IQCM: variants seen among roughly 807,000 people sequenced by gnomAD.
IQCM encodes the protein IQ domain-containing protein M.
IQCM carries 45 observed loss-of-function variants against 57.6 expected under a neutral mutation model. The observed-to-expected ratio is 0.78, with a 90% CI of 0.62 to 1.00. The LOEUF (loss-of-function observed/expected upper bound fraction) is 1.00, where lower values mean the gene tolerates loss of function less well. IQCM is among the 50% of genes least tolerant of loss of function. The pLI, the probability that IQCM is intolerant of heterozygous loss-of-function variation, is 0.00. For missense variants in IQCM, 468 were observed against 511.6 expected (o/e 0.91, Z 0.82); for synonymous variants, 148 against 158.9 (o/e 0.93, Z 0.51).
chr4:149,548,440 T>C lies in IQCM; in HGVS notation c.1228+15A>G. On this transcript the variant is annotated intron_variant, in intron 12 of 13. Coordinates refer to ENST00000636793, the MANE Select transcript of IQCM (RefSeq NM_001363507.2). ...AGGAAAAGAAGGGGGGAAAAAGAAA[T>C]GAGAAACTACTCACCTTGATGGACC... 1.6e-6 allele frequency: 2 copies of C among 1,231,198 alleles called. No homozygotes were observed. The highest frequency in any genetic ancestry group is 2.0e-6 in the Non-Finnish European group (2 of 987,242). 76.3% of individuals were successfully genotyped at this position (1,231,198 alleles called of 1,614,324 possible).
intron 12 of IQCM, among the ~76,000 whole-genome samples, chr4:149,462,666 A>T (rs1738430370): frequency 6.6e-6 from 1 of 152,198 alleles, no homozygotes; most frequent in Non-Finnish European, 1.5e-5. Context: ...CCCATTAGTT[A>T]TCATGGAAAT....
At chr4:149,740,244 T>C (rs937794209) in intron 3 of IQCM, among the ~76,000 whole-genome samples, 2 of 152,110 alleles carry the variant, frequency 1.3e-5, no homozygotes, top group Admixed American at 6.6e-5. Flanking sequence ...GTAATCAGAG[T>C]AAATGCCTGA....
chr4:149,504,271 A>G (rs1446218203), intron 12 of IQCM, among the ~76,000 whole-genome samples: 3 of 152,244 alleles, frequency 2.0e-5, no homozygotes, highest in African/African-American at 4.8e-5. Context: ...TTACTCTTAA[A>G]TAGTTAAACA....
intron 12 of IQCM, among the ~76,000 whole-genome samples, chr4:149,481,696 G>GTTTTGTTTTTTTGTTTTTTT (rs1740800924): frequency 6.0e-5 from 2 of 33,600 alleles, no homozygotes; most frequent in African/African-American, 2.5e-4. Flanking sequence ...GATTCTTCCA[G>GTTTTGTTTTTTTGTTTTTTT]TTTTGTTTTT....
chr4:149,521,275 C>A (rs6820239), intron 12 of IQCM, among the ~76,000 whole-genome samples: 76,357 of 151,124 alleles, frequency 0.51, 19,526 homozygotes, highest in Non-Finnish European at 0.55. Flanking sequence ...AGAACAAAAA[C>A]AAGGAAAGAA....
At chr4:149,386,946 T>C (rs1731471325) in intron 13 of IQCM, among the ~76,000 whole-genome samples, 1 of 152,090 alleles carries the variant, frequency 6.6e-6, no homozygotes, top group Non-Finnish European at 1.5e-5. Flanking sequence ...TAAGTGATGC[T>C]GTATATTTCA....
intron 7 of IQCM, among the ~76,000 whole-genome samples, chr4:149,630,952 C>T (rs1380735334): frequency 6.6e-6 from 1 of 152,084 alleles, no homozygotes; most frequent in Non-Finnish European, 1.5e-5. Flanking sequence ...GTAAACAATT[C>T]CTGATATAAA....
chr4:149,367,509 T>C (rs1241259620), intron 13 of IQCM, among the ~76,000 whole-genome samples: 2 of 152,050 alleles, frequency 1.3e-5, no homozygotes, highest in African/African-American at 4.8e-5. Context: ...GTATCTCTAA[T>C]TCATTAAGTA....
intron 2 of IQCM, 85 bp from the exon 3 acceptor site, chr4:149,742,824 G>T: frequency 1.8e-6 from 1 of 567,430 alleles, no homozygotes; most frequent in Non-Finnish European, 2.6e-6. Flanking sequence ...GGTAAATAGG[G>T]TGAATGATTA....
chr4:149,654,927 G>T (rs1295142219), intron 7 of IQCM, among the ~76,000 whole-genome samples: 1 of 151,600 alleles, frequency 6.6e-6, no homozygotes, highest in Non-Finnish European at 1.5e-5. Context: ...AATTAATTTT[G>T]GATATGAGGT....
chr4:149,550,910 A>G (rs1748966691), intron 11 of IQCM, among the ~76,000 whole-genome samples: 2 of 152,178 alleles, frequency 1.3e-5, no homozygotes, highest in South Asian at 2.1e-4. Context: ...TTCAGCTCCT[A>G]TGTTGGACAG....
intron 2 of IQCM, among the ~76,000 whole-genome samples, chr4:149,755,322 G>C (rs1046324327): frequency 3.9e-5 from 6 of 152,006 alleles, no homozygotes; most frequent in African/African-American, 1.2e-4. Context: ...AAATATAGAA[G>C]TCACCATGTC....
At chr4:149,665,274 A>G (rs1760613172) in intron 7 of IQCM, among the ~76,000 whole-genome samples, 2 of 152,106 alleles carry the variant, frequency 1.3e-5, no homozygotes, top group African/African-American at 4.8e-5. Flanking sequence ...AATTCTCCAA[A>G]TTGGCTTCAG....
intron 8 of IQCM, among the ~76,000 whole-genome samples, chr4:149,607,410 GA>G (rs1271163470): frequency 6.6e-6 from 1 of 151,424 alleles, no homozygotes; most frequent in Non-Finnish European, 1.5e-5. Context: ...TTCAACCTGA[GA>G]AAAAAAAGAG....
chr4:149,730,393 T>G (rs949926551), intron 5 of IQCM, among the ~76,000 whole-genome samples: 2 of 152,218 alleles, frequency 1.3e-5, no homozygotes, highest in Non-Finnish European at 2.9e-5. Context: ...GTAAACATGC[T>G]AAAATGCAAA....
At chr4:149,533,987 A>T (rs1416887890) in intron 12 of IQCM, among the ~76,000 whole-genome samples, 1 of 152,184 alleles carries the variant, frequency 6.6e-6, no homozygotes, top group Non-Finnish European at 1.5e-5. Context: ...GAAAAAGTCC[A>T]AGAATGATAA....
intron 8 of IQCM, among the ~76,000 whole-genome samples, chr4:149,612,291 C>T (rs143693168): frequency 6.6e-6 from 1 of 152,244 alleles, no homozygotes; most frequent in African/African-American, 2.4e-5. Context: ...ACTCTTTTGG[C>T]AATTATGATT....
intron 13 of IQCM, among the ~76,000 whole-genome samples, chr4:149,427,000 T>A (rs2111241755): frequency 6.6e-6 from 1 of 152,084 alleles, no homozygotes; most frequent in African/African-American, 2.4e-5. Context: ...AATGCCCCCT[T>A]ATTTAAATAG....
intron 12 of IQCM, among the ~76,000 whole-genome samples, chr4:149,434,291 T>C (rs1735142583): frequency 6.6e-6 from 1 of 152,110 alleles, no homozygotes; most frequent in Non-Finnish European, 1.5e-5. Context: ...GAACATGACC[T>C]GTATTAACTA....
Sources: allele counts gnomAD v4.1 joint callset (sites outside exome capture counted in the v4.1 genomes callset), GRCh38; gene constraint gnomAD v4.1.1; transcripts MANE v1.5; gene names NCBI Gene and HGNC (gene_info 2026-07-23, HGNC 2026-07-21).